The following TMEM63C variants were observed in gnomAD, a reference collection of about 807,000 sequenced individuals.
TMEM63C encodes the protein transmembrane protein 63C, also known as osmosensitive cation channel TMEM63C.
In TMEM63C, 32 loss-of-function variants were observed where a neutral mutation model predicts 99.2. The observed-to-expected ratio is 0.32, with a 90% CI of 0.24 to 0.43. The LOEUF (loss-of-function observed/expected upper bound fraction) is 0.43, where lower values mean the gene tolerates loss of function less well. TMEM63C is among the 20% of genes least tolerant of loss of function. The pLI is 1.00. For synonymous variants in TMEM63C, 376 were observed against 397.9 expected, an observed-to-expected ratio of 0.94 and a Z score of 0.66; for missense variants, 826 against 1,053.0, an observed-to-expected ratio of 0.78 and a Z score of 2.98.
chr14:77,184,444 G>A (rs1441278025), intron 1 of TMEM63C, among the ~76,000 whole-genome samples: 6 of 152,112 alleles, frequency 3.9e-5, no homozygotes, highest in Non-Finnish European at 7.4e-5. Flanking sequence ...CGAATTCCAC[G>A]ACCTCTGCTC....
chr14:77,222,935 C>A (rs887621429), intron 5 of TMEM63C, among the ~76,000 whole-genome samples: 1 of 152,222 alleles, frequency 6.6e-6, no homozygotes, highest in Non-Finnish European at 1.5e-5. Flanking sequence ...TGGATTTGCT[C>A]ACCACTGCAC....
intron 1 of TMEM63C, among the ~76,000 whole-genome samples, chr14:77,204,289 A>G (rs1947331989): frequency 6.6e-6 from 1 of 152,168 alleles, no homozygotes. Context: ...CCTCAGTCTG[A>G]GATTTTGCCA....
rs1889128461 is a variant in TMEM63C, at chr14:77,239,629, T to A, written c.833T>A (p.Phe278Tyr). 5 of 1,613,400 alleles carry A rather than the reference T, an allele frequency of 3.1e-6. No individual in the cohort carries two copies. Among genetic ancestry groups the A allele is most frequent in the Non-Finnish European group, 4.2e-6 (5 of 1,179,778 alleles). ...QRRHAMRGRL[F>Y]YTAKAKKTGK... ...CGCCATGCCATGCGGGGCCGGCTTTTCTATACAGCCAAGGCCAAGAAGACT... is the reference window on the plus strand; with the variant it reads ...CGCCATGCCATGCGGGGCCGGCTTTACTATACAGCCAAGGCCAAGAAGACT... The change falls in exon 12 of 24, where the codon TTC becomes TAC. Residue 278 changes from phenylalanine to tyrosine, a missense_variant. Coordinates refer to ENST00000298351, the MANE Select transcript of TMEM63C (RefSeq NM_020431.4).
chr14:77,229,942 G>A lies in TMEM63C; in HGVS notation c.351-1646G>A, dbSNP rs543798712. On this transcript the variant is annotated intron_variant, in intron 6 of 23. Transcript: ENST00000298351. ...CGGCCCGGCATGGTGGCTCACGCCT[G>A]TAATCCAAGCACTTTGGGAGGCCGA... is the stretch of plus-strand genomic sequence containing the variant. Among the ~76,000 whole-genome samples, 41 of 152,002 alleles carry A rather than the reference G, an allele frequency of 2.7e-4. 1 individual carries two copies. The highest frequency in any genetic ancestry group is 8.4e-4 in the African/African-American group (35 of 41,480).
chr14:77,239,597 T>C lies in TMEM63C; in HGVS notation c.807-6T>C, dbSNP rs1566628867. ...AGGTCCTTCTCCTGTTGCCCACCGC[T>C]GGCAGGCGCCATGCCATGCGGGGCC... is the stretch of plus-strand genomic sequence containing the variant. On this transcript the variant is annotated splice_region_variant and splice_polypyrimidine_tract_variant and intron_variant, in intron 11 of 23. Coordinates refer to ENST00000298351, the MANE Select transcript of TMEM63C (RefSeq NM_020431.4). The C allele has an allele frequency of 6.2e-7, 1 of 1,613,390 alleles. No individual in the cohort carries two copies. Among genetic ancestry groups the C allele is most frequent in the Admixed American group, 1.7e-5 (1 of 60,008 alleles).
At chr14:77,215,600 C>CAA (rs796730995) in intron 2 of TMEM63C, among the ~76,000 whole-genome samples, 6 of 82,410 alleles carry the variant, frequency 7.3e-5, no homozygotes, top group African/African-American at 2.5e-4. Context: ...GACTCTGTCT[C>CAA]AAAAAAAAAA....
intron 2 of TMEM63C, among the ~76,000 whole-genome samples, chr14:77,215,614 A>AAGAAAAGAAAAG (rs1555347250): frequency 1.2e-4 from 9 of 76,550 alleles, no homozygotes; most frequent in African/African-American, 4.5e-4. Context: ...AAAAAAAAAA[A>AAGAAAAGAAAAG]AAAAGAAAAG....
At chr14:77,210,280 C>T (rs1164426187) in intron 1 of TMEM63C, among the ~76,000 whole-genome samples, 1 of 152,084 alleles carries the variant, frequency 6.6e-6, no homozygotes, top group Non-Finnish European at 1.5e-5. Context: ...CCCTCCCAGG[C>T]TAAGGAGTCA....
At chr14:77,247,341 C>A (rs891093014) in intron 18 of TMEM63C, among the ~76,000 whole-genome samples, 2 of 152,102 alleles carry the variant, frequency 1.3e-5, no homozygotes, top group African/African-American at 4.8e-5. Flanking sequence ...GCTGAGATTA[C>A]AAGCACATGC....
At chr14:77,233,831 T>C (rs1888988068) in intron 8 of TMEM63C, among the ~76,000 whole-genome samples, 1 of 152,060 alleles carries the variant, frequency 6.6e-6, no homozygotes, top group Non-Finnish European at 1.5e-5. Flanking sequence ...TTGAAGATTG[T>C]TTTCCTGCCA....
Position 77,219,138 on chromosome 14 carries a change from G to A in TMEM63C, c.150+175G>A, listed in dbSNP as rs978608. ...CCGGTAGGTGGGCCTCAAAGAGGCT[G>A]GAGGAACAGGCAGAATTCCTGGGAT... is the stretch of plus-strand genomic sequence containing the variant. On this transcript the variant is annotated intron_variant, in intron 3 of 23. Coordinates refer to ENST00000298351, the MANE Select transcript of TMEM63C (RefSeq NM_020431.4). Among the ~76,000 whole-genome samples, 496 of 152,370 alleles carry A rather than the reference G, an allele frequency of 3.3e-3. 5 individuals carry two copies. Among genetic ancestry groups the A allele is most frequent in the African/African-American group, 0.011 (469 of 41,588 alleles).
chr14:77,203,858 C>T (rs1340660344), intron 1 of TMEM63C, among the ~76,000 whole-genome samples: 1 of 152,256 alleles, frequency 6.6e-6, no homozygotes, highest in Non-Finnish European at 1.5e-5. Flanking sequence ...GCTGCTCCTG[C>T]TGGTAGGCAC....
At position 77,239,642 on chromosome 14, in the gene TMEM63C, G is replaced by A. The variant is rs777085974; in HGVS notation, c.846G>A (p.Lys282=). The part of the protein sequence containing the change: ...AMRGRLFYTA[K]AKKTGKVMIR... The stretch of plus-strand genomic sequence containing the variant: ...GGGGCCGGCTTTTCTATACAGCCAA[G>A]GCCAAGAAGACTGGGAAGGTGATGA... Residue 282 remains lysine (K), a synonymous_variant, in exon 12 of 24, where the codon AAG becomes AAA. Transcript: ENST00000298351. 3 of 1,613,426 alleles carry A rather than the reference G, an allele frequency of 1.9e-6. No homozygotes were observed. Among genetic ancestry groups the A allele is most frequent in the East Asian group, 4.5e-5 (2 of 44,876 alleles).
chr14:77,248,230 C>A (rs1002539148), intron 18 of TMEM63C, 117 bp from the exon 19 acceptor site: 2 of 840,448 alleles, frequency 2.4e-6, no homozygotes, highest in African/African-American at 1.7e-5. Flanking sequence ...TTGTCTGTAT[C>A]TGTATCTCCA....
At chr14:77,214,871 A>G (rs752765510) in intron 2 of TMEM63C, among the ~76,000 whole-genome samples, 5 of 151,968 alleles carry the variant, frequency 3.3e-5, no homozygotes, top group Non-Finnish European at 5.9e-5. Flanking sequence ...TACACTTACT[A>G]GCCGTCCACA....
At chr14:77,248,934 G>A in intron 20 of TMEM63C, 62 bp downstream of exon 20, 1 of 1,435,894 alleles carries the variant, frequency 7.0e-7, no homozygotes, top group East Asian at 2.3e-5. Flanking sequence ...GAGGAATTGA[G>A]CCTCACAACA....
At chr14:77,211,192 A>G (rs1002072558) in intron 1 of TMEM63C, among the ~76,000 whole-genome samples, 22 of 152,338 alleles carry the variant, frequency 1.4e-4, no homozygotes, top group African/African-American at 5.3e-4. Context: ...CCCCCTGCTC[A>G]GCATGTCCAG....
chr14:77,250,122 G>A (rs921957904), intron 21 of TMEM63C, among the ~76,000 whole-genome samples: 1 of 152,218 alleles, frequency 6.6e-6, no homozygotes, highest in Non-Finnish European at 1.5e-5. Context: ...AGCGTAAGCC[G>A]CCGGTGCCTA....
intron 2 of TMEM63C, among the ~76,000 whole-genome samples, chr14:77,213,919 A>G (rs983826390): frequency 2.6e-5 from 4 of 152,122 alleles, no homozygotes; most frequent in African/African-American, 9.7e-5. Context: ...GCTAGATGCT[A>G]ATCTAGAGGG....
Sources: allele counts gnomAD v4.1 joint callset (sites outside exome capture counted in the v4.1 genomes callset), GRCh38; gene constraint gnomAD v4.1.1; transcripts MANE v1.5; gene names NCBI Gene and HGNC (gene_info 2026-07-23, HGNC 2026-07-21).